RBFOX1: variants seen among roughly 807,000 people sequenced by gnomAD.
The protein encoded by RBFOX1 is RNA binding fox-1 homolog 1.
RBFOX1 carries 8 observed loss-of-function variants against 57.7 expected under a neutral mutation model. The ratio of observed to expected loss-of-function variants is 0.14; its 90% CI spans 0.08 to 0.25. The LOEUF is 0.25. RBFOX1 is among the 10% of genes least tolerant of loss of function. The pLI is 1.00. For missense variants in RBFOX1, 611 were observed against 548.5 expected, an observed-to-expected ratio of 1.11 and a Z score of -1.14; for synonymous variants, 326 against 222.4, an observed-to-expected ratio of 1.47 and a Z score of -4.15.
In RBFOX1 at chr16:5,544,951, C is replaced by CTTTTTTTTTTTTTTTTTTTTT. The variant is rs59873374; in HGVS notation, c.259-53928_259-53908dup. On this transcript the variant is annotated intron_variant, in intron 2 of 2. Coordinates refer to the RBFOX1 transcript ENST00000585867. ...GTATAGATGGCCTTACTATTACATT[C>CTTTTTTTTTTTTTTTTTTTTT]TTTTTTTTTTTTTTTTTTTTTTTTT... Among the ~76,000 whole-genome samples, 10 of 124,362 alleles carry CTTTTTTTTTTTTTTTTTTTTT rather than the reference C, an allele frequency of 8.0e-5. 1 individual carries two copies. Among genetic ancestry groups the CTTTTTTTTTTTTTTTTTTTTT allele is most frequent in the African/African-American group, 1.7e-4 (5 of 28,960 alleles). 81.6% of individuals were successfully genotyped at this position (124,362 alleles called of 152,430 possible).
intron 3 of RBFOX1, among the ~76,000 whole-genome samples, chr16:5,759,792 G>A (rs2053530904): frequency 1.6e-5 from 2 of 124,360 alleles, no homozygotes; most frequent in African/African-American, 2.9e-5. Flanking sequence ...TCCTCTCTGG[G>A]ATTTTTTTTT....
intron 3 of RBFOX1, among the ~76,000 whole-genome samples, chr16:5,726,690 A>T (rs1387903973): frequency 1.3e-5 from 2 of 152,222 alleles, no homozygotes; most frequent in Non-Finnish European, 2.9e-5. Flanking sequence ...TATTATTTGC[A>T]ATGCTAATAG....
Position 7,094,232 on chromosome 16 carries a change from C to G in RBFOX1, c.27+42134C>G, listed in dbSNP as rs140721249. On this transcript the variant is annotated intron_variant, in intron 4 of 15. Transcript: ENST00000550418. ...TTAGTTTCTGTGCAAACTTGTGTCCCCATTCAGAGAAGAACAAATTGAAAA... is the reference window on the plus strand; with the variant it reads ...TTAGTTTCTGTGCAAACTTGTGTCCGCATTCAGAGAAGAACAAATTGAAAA... Among the ~76,000 whole-genome samples the G allele has an allele frequency of 1.6e-3, 242 of 151,988 alleles. 2 individuals are homozygous for G. Among genetic ancestry groups the G allele is most frequent in the East Asian group, 0.01 (53 of 5,168 alleles).
chr16:7,641,186 T>C (rs540122498), intron 11 of RBFOX1, among the ~76,000 whole-genome samples: 5 of 152,310 alleles, frequency 3.3e-5, no homozygotes, highest in African/African-American at 1.2e-4. Context: ...ACCAGTCTTC[T>C]TGGATAGAAA....
chr16:6,844,255 G>T (rs1603631460), intron 3 of RBFOX1, among the ~76,000 whole-genome samples: 1 of 151,932 alleles, frequency 6.6e-6, no homozygotes, highest in South Asian at 2.1e-4. Flanking sequence ...TTGTTACATA[G>T]GTAAATAGGT....
intron 4 of RBFOX1, chr16:7,332,673 T>C: frequency 1.8e-6 from 1 of 553,348 alleles, no homozygotes; most frequent in Non-Finnish European, 2.5e-6. Context: ...TCTCTCTCTG[T>C]CTCTCTCTCT....
At chr16:7,663,223 G>T (rs2068238101) in intron 12 of RBFOX1, among the ~76,000 whole-genome samples, 1 of 152,198 alleles carries the variant, frequency 6.6e-6, no homozygotes, top group Admixed American at 6.5e-5. Flanking sequence ...AGTTGAAAAA[G>T]AATTCAAAGC....
chr16:7,153,108 A>G (rs1183063180), intron 4 of RBFOX1, among the ~76,000 whole-genome samples: 1 of 152,138 alleles, frequency 6.6e-6, no homozygotes, highest in Non-Finnish European at 1.5e-5. Flanking sequence ...TAATGTTATA[A>G]TCTGGCTGGA....
At chr16:6,149,275 G>A (rs1392945053) in intron 1 of RBFOX1, among the ~76,000 whole-genome samples, 2 of 152,196 alleles carry the variant, frequency 1.3e-5, no homozygotes, top group Non-Finnish European at 2.9e-5. Context: ...AATAGACGAG[G>A]TGTACTTTGG....
chr16:6,820,775 T>C (rs2091153011), intron 3 of RBFOX1, among the ~76,000 whole-genome samples: 1 of 152,184 alleles, frequency 6.6e-6, no homozygotes, highest in South Asian at 2.1e-4. Context: ...GTCAGAGACT[T>C]ATTACTGCAA....
intron 1 of RBFOX1, among the ~76,000 whole-genome samples, chr16:6,316,453 T>C (rs1281086556): frequency 1.3e-5 from 2 of 152,228 alleles, no homozygotes; most frequent in Non-Finnish European, 2.9e-5. Context: ...TTTCCATATT[T>C]GAACTTTAAG....
intron 3 of RBFOX1, among the ~76,000 whole-genome samples, chr16:6,857,367 C>G (rs767490717): frequency 2.6e-5 from 4 of 152,122 alleles, no homozygotes; most frequent in African/African-American, 7.2e-5. Context: ...TCACGTTATT[C>G]TTAGTGAATC....
At chr16:6,795,496 G>A (rs1005561561) in intron 3 of RBFOX1, among the ~76,000 whole-genome samples, 3 of 152,176 alleles carry the variant, frequency 2.0e-5, no homozygotes, top group Non-Finnish European at 4.4e-5. Flanking sequence ...GGCTGCGCAC[G>A]TTGGCTCACG....
At chr16:5,432,337 T>TG (rs397779680) in intron 1 of RBFOX1, among the ~76,000 whole-genome samples, 5 of 25,828 alleles carry the variant, frequency 1.9e-4, no homozygotes, top group African/African-American at 1.1e-3. Flanking sequence ...GCTAACCAAA[T>TG]TAGTCATCGT....
intron 3 of RBFOX1, among the ~76,000 whole-genome samples, chr16:5,866,389 G>T (rs541624122): frequency 3.9e-5 from 6 of 152,162 alleles, no homozygotes; most frequent in Non-Finnish European, 7.3e-5. Flanking sequence ...GGGGTTAGGG[G>T]TTCATTATAT....
intron 3 of RBFOX1, among the ~76,000 whole-genome samples, chr16:6,900,030 C>G (rs2068056272): frequency 6.6e-6 from 1 of 152,174 alleles, no homozygotes; most frequent in Admixed American, 6.5e-5. Flanking sequence ...CTCATAGCAT[C>G]AACTTCTAGG....
rs150928123 is a variant in RBFOX1 at position 5,328,615 on chromosome 16, AG to A, written c.219+88511del. ...AACATACCTTTTATGAGGTCCACCA[AG>A]CCCCATGCCTGTCTGCACGTGGAAG... On this transcript the variant is annotated intron_variant, in intron 1 of 2. Transcript: ENST00000585867. Among the ~76,000 whole-genome samples the A allele has an allele frequency of 1.9e-3, 288 of 152,298 alleles. 2 individuals are homozygous for A. Among genetic ancestry groups the A allele is most frequent in the Non-Finnish European group, 2.1e-3 (145 of 68,022 alleles).
chr16:6,575,247 T>C (rs2097414895), intron 2 of RBFOX1, among the ~76,000 whole-genome samples: 1 of 152,150 alleles, frequency 6.6e-6, no homozygotes, highest in Non-Finnish European at 1.5e-5. Flanking sequence ...GATAATTACA[T>C]CCTAGTGTCT....
At chr16:6,839,799 T>A (rs2093356907) in intron 3 of RBFOX1, among the ~76,000 whole-genome samples, 1 of 152,232 alleles carries the variant, frequency 6.6e-6, no homozygotes, top group Non-Finnish European at 1.5e-5. Context: ...TAGTCATAGC[T>A]AAAATCATAG....
Sources: gnomAD v4.1 joint callset for allele counts (sites outside exome capture counted in the v4.1 genomes callset) on GRCh38, gnomAD v4.1.1 for gene constraint, MANE v1.5 for transcripts, NCBI Gene and HGNC (gene_info 2026-07-23, HGNC 2026-07-21) for gene names.